Variants in FHOD3 observed in about 807,000 individuals in gnomAD.
The protein encoded by FHOD3 is formin homology 2 domain containing 3, also known as FH1/FH2 domain-containing protein 3.
Under a neutral mutation model 173.0 loss-of-function variants are expected in FHOD3, and 90 were observed. That is an observed-to-expected ratio of 0.52 (90% CI 0.44 to 0.62). The LOEUF (loss-of-function observed/expected upper bound fraction) is 0.62. FHOD3 is among the 20% of genes least tolerant of loss of function. The pLI, the probability that FHOD3 is intolerant of heterozygous loss-of-function variation, is 0.00. For synonymous variants in FHOD3, 828 were observed against 823.0 expected (o/e 1.01, Z -0.10); for missense variants, 1,945 against 2,034.7 (o/e 0.96, Z 0.85).
chr18:36,575,119 C>T (rs2058600508), intron 5 of FHOD3, among the ~76,000 whole-genome samples: 1 of 151,984 alleles, frequency 6.6e-6, no homozygotes, highest in African/African-American at 2.4e-5. Flanking sequence ...TACAGGTGTG[C>T]ACCACCACAC....
intron 9 of FHOD3, among the ~76,000 whole-genome samples, chr18:36,612,321 A>G (rs1301184624): frequency 6.6e-6 from 1 of 152,232 alleles, no homozygotes; most frequent in East Asian, 1.9e-4. Context: ...TTCAAGCTCA[A>G]GAACCCTTGA....
chr18:36,675,406 T>G (rs2037789474), intron 14 of FHOD3, among the ~76,000 whole-genome samples: 1 of 152,072 alleles, frequency 6.6e-6, no homozygotes, highest in Non-Finnish European at 1.5e-5. Context: ...CACACTTTGG[T>G]CTCATACAGG....
chr18:36,426,925 C>CT (rs2050277246), intron 3 of FHOD3, among the ~76,000 whole-genome samples: 1 of 152,184 alleles, frequency 6.6e-6, no homozygotes, highest in Non-Finnish European at 1.5e-5. Context: ...AGGAATTATT[C>CT]TTAGAAGTAA....
intron 9 of FHOD3, 89 bp from the exon 10 acceptor site, chr18:36,625,422 A>C (rs2644253): frequency 4.2e-6 from 5 of 1,196,548 alleles, no homozygotes; most frequent in Non-Finnish European, 5.5e-6. Flanking sequence ...AAAAATCCCT[A>C]TTAGGGCAAT....
chr18:36,323,294 A>G (rs2044497645), intron 1 of FHOD3, among the ~76,000 whole-genome samples: 1 of 152,080 alleles, frequency 6.6e-6, no homozygotes, highest in Admixed American at 6.5e-5. Flanking sequence ...CAAAGAAGAC[A>G]CTTGTTTTTT....
chr18:36,640,354 C>G (rs1399432366), intron 10 of FHOD3, among the ~76,000 whole-genome samples: 1 of 152,108 alleles, frequency 6.6e-6, no homozygotes, highest in Non-Finnish European at 1.5e-5. Context: ...TTCAAGTTGG[C>G]CAGATATTTG....
intron 24 of FHOD3, among the ~76,000 whole-genome samples, chr18:36,749,978 T>A (rs1040979572): frequency 6.6e-6 from 1 of 152,066 alleles, no homozygotes; most frequent in African/African-American, 2.4e-5. Flanking sequence ...TGGTCACATG[T>A]ATGTCTTCTT....
chr18:36,523,230 G>A (rs2056359449), intron 5 of FHOD3, among the ~76,000 whole-genome samples: 1 of 152,186 alleles, frequency 6.6e-6, no homozygotes, highest in African/African-American at 2.4e-5. Context: ...AGTCTGCAAG[G>A]CTTAAGTGAG....
chr18:36,466,686 C>T (rs1222423239), intron 3 of FHOD3, among the ~76,000 whole-genome samples: 1 of 152,126 alleles, frequency 6.6e-6, no homozygotes, highest in Non-Finnish European at 1.5e-5. Flanking sequence ...TTTCTCCAGG[C>T]CCCTCAGGAA....
chr18:36,426,191 A>C (rs1213582298), intron 3 of FHOD3, among the ~76,000 whole-genome samples: 1 of 152,114 alleles, frequency 6.6e-6, no homozygotes, highest in Non-Finnish European at 1.5e-5. Context: ...GGCATGAGCC[A>C]CCGCGCCCGG....
chr18:36,402,752 A>G (rs1171074310), intron 3 of FHOD3, among the ~76,000 whole-genome samples: 1 of 152,204 alleles, frequency 6.6e-6, no homozygotes, highest in Non-Finnish European at 1.5e-5. Context: ...CAGAGTGGAA[A>G]GGAATTTTCT....
At chr18:36,594,383 T>G (rs1201786918) in intron 6 of FHOD3, among the ~76,000 whole-genome samples, 2 of 152,116 alleles carry the variant, frequency 1.3e-5, no homozygotes, top group African/African-American at 4.8e-5. Context: ...TGTTTCTGCT[T>G]CTTCACGAGA....
chr18:36,745,712 C>T (rs1276564553), intron 23 of FHOD3, among the ~76,000 whole-genome samples: 1 of 151,672 alleles, frequency 6.6e-6, no homozygotes, highest in Admixed American at 6.6e-5. Context: ...CGCTCAGCCC[C>T]TCCCGACCCC....
rs573361398 is a variant in FHOD3, at chr18:36,367,509, C to A, written c.273-5171C>A. Among the ~76,000 whole-genome samples the A allele has an allele frequency of 1.0e-3, 159 of 152,334 alleles. 5 individuals carry two copies. The South Asian group carries it at 0.031, about 29-fold the overall frequency. ...TCTGGGTACTTGGCGCATTCCACTTCATCTTGCTGCAAAAACACAGACTCA... is the reference window on the plus strand; with the variant it reads ...TCTGGGTACTTGGCGCATTCCACTTAATCTTGCTGCAAAAACACAGACTCA... On this transcript the variant is annotated intron_variant, in intron 2 of 28. Coordinates refer to ENST00000590592, the MANE Select transcript of FHOD3 (RefSeq NM_001281740.3).
chr18:36,658,525 A>T (rs117279201), intron 14 of FHOD3, among the ~76,000 whole-genome samples: 2 of 152,346 alleles, frequency 1.3e-5, no homozygotes, highest in Non-Finnish European at 2.9e-5. Flanking sequence ...TTTGTTATAT[A>T]CACATCAGTT....
chr18:36,528,758 G>A (rs1207821979), intron 5 of FHOD3, among the ~76,000 whole-genome samples: 1 of 152,228 alleles, frequency 6.6e-6, no homozygotes. Context: ...GAACATGGTT[G>A]TTAGATCATG....
chr18:36,394,236 C>G (rs1178042356), intron 3 of FHOD3, among the ~76,000 whole-genome samples: 1 of 152,126 alleles, frequency 6.6e-6, no homozygotes, highest in African/African-American at 2.4e-5. Flanking sequence ...AAGATAATAT[C>G]AATTTAAATA....
intron 10 of FHOD3, among the ~76,000 whole-genome samples, chr18:36,637,981 T>G (rs980762183): frequency 7.2e-5 from 11 of 152,190 alleles, no homozygotes; most frequent in Non-Finnish European, 1.3e-4. Flanking sequence ...GTAAAAAGAT[T>G]GTAGAATAAT....
chr18:36,738,377 A>G (rs1027556572), intron 20 of FHOD3, among the ~76,000 whole-genome samples: 8 of 152,230 alleles, frequency 5.3e-5, no homozygotes, highest in Admixed American at 2.6e-4. Context: ...TGGTAATTCT[A>G]TGTTTAATCT....
Sources: gnomAD v4.1 joint callset for allele counts (sites outside exome capture counted in the v4.1 genomes callset) on GRCh38, gnomAD v4.1.1 for gene constraint, MANE v1.5 for transcripts, NCBI Gene and HGNC (gene_info 2026-07-23, HGNC 2026-07-21) for gene names.